Variants in FGD5 observed in about 807,000 individuals in gnomAD.
FGD5 encodes the protein FYVE, RhoGEF and PH domain-containing protein 5.
Under a neutral mutation model 133.4 loss-of-function variants are expected in FGD5, and 28 were observed. The observed-to-expected ratio is 0.21, with a 90% CI of 0.16 to 0.29. FGD5 has a LOEUF of 0.29. Among genes scored for constraint, FGD5 ranks in the 10% least tolerant of loss-of-function variants. FGD5 has a pLI of 1.00. For missense variants in FGD5, 1,858 were observed against 1,895.2 expected (o/e 0.98, Z 0.36); for synonymous variants, 810 against 776.5 (o/e 1.04, Z -0.72).
At chr3:14,868,240 C>T (rs975538451) in intron 2 of FGD5, among the ~76,000 whole-genome samples, 1 of 152,170 alleles carries the variant, frequency 6.6e-6, no homozygotes, top group African/African-American at 2.4e-5. Flanking sequence ...CCCCCGAGAC[C>T]AGCCCAGTAG....
chr3:14,851,540 T>C (rs2037163557), intron 1 of FGD5, among the ~76,000 whole-genome samples: 1 of 152,230 alleles, frequency 6.6e-6, no homozygotes, highest in African/African-American at 2.4e-5. Context: ...GGCTCCAGCC[T>C]CTGCTGCCAG....
intron 19 of FGD5, 38 bp downstream of exon 19, chr3:14,932,769 C>T (rs758206405): frequency 2.5e-6 from 4 of 1,595,012 alleles, no homozygotes; most frequent in Non-Finnish European, 2.6e-6. Context: ...GCTTTTTGTT[C>T]TCTCAGAAGG....
Position 14,820,530 on chromosome 3 carries a change from G to A in FGD5, c.1459G>A (p.Gly487Arg), listed in dbSNP as rs1197886362. Residue 487 changes from glycine to arginine, a missense_variant, in exon 1 of 20, where the codon GGG becomes AGG. Coordinates refer to ENST00000285046, the MANE Select transcript of FGD5 (RefSeq NM_152536.4). ...NTSTRVRPHS[G>R]KVAGYVPETV... ...CAGCACGAGGGTCCGGCCCCACTCT[G>A]GGAAGGTGGCCGGCTATGTCCCAGA... 6.2e-7 allele frequency: 1 copy of A among 1,613,832 alleles called. No individual in the cohort carries two copies. Among genetic ancestry groups the A allele is most frequent in the Non-Finnish European group, 8.5e-7 (1 of 1,179,808 alleles).
chr3:14,856,678 T>C (rs943090658), intron 1 of FGD5, among the ~76,000 whole-genome samples: 2 of 152,194 alleles, frequency 1.3e-5, no homozygotes, highest in Admixed American at 6.5e-5. Context: ...TGAAAAATCG[T>C]TCTCAGCTAG....
At chr3:14,841,730 G>A (rs567715589) in intron 1 of FGD5, among the ~76,000 whole-genome samples, 1 of 152,256 alleles carries the variant, frequency 6.6e-6, no homozygotes, top group South Asian at 2.1e-4. Flanking sequence ...GCAAAAGGAA[G>A]CCCTGTCACT....
chr3:14,860,999 A>G (rs1055459999), intron 1 of FGD5, among the ~76,000 whole-genome samples: 4 of 152,158 alleles, frequency 2.6e-5, no homozygotes, highest in African/African-American at 9.7e-5. Flanking sequence ...AATACATTTA[A>G]AAATACAGTG....
intron 1 of FGD5, among the ~76,000 whole-genome samples, chr3:14,837,868 A>G (rs1020118864): frequency 5.9e-5 from 9 of 152,156 alleles, no homozygotes; most frequent in African/African-American, 2.2e-4. Flanking sequence ...GTGATTTCGT[A>G]GGGCTGTTCT....
At chr3:14,910,812 A>ATTGAT in intron 10 of FGD5, 49 bp from the exon 11 acceptor site, 2 of 1,561,956 alleles carry the variant, frequency 1.3e-6, no homozygotes, top group Non-Finnish European at 1.8e-6. Context: ...CTTGTCTGGG[A>ATTGAT]TTCAGGGGGC....
At chr3:14,858,606 G>A (rs921335005) in intron 1 of FGD5, among the ~76,000 whole-genome samples, 2 of 152,180 alleles carry the variant, frequency 1.3e-5, no homozygotes, top group African/African-American at 4.8e-5. Context: ...CAGACGGCTC[G>A]TAATAGGAAT....
At chr3:14,813,011 T>G (rs1220339599) in intron 1 of FGD5, among the ~76,000 whole-genome samples, 1 of 152,198 alleles carries the variant, frequency 6.6e-6, no homozygotes, top group Non-Finnish European at 1.5e-5. Context: ...GCGGAGATTT[T>G]ATGGTCACTG....
chr3:14,847,219 A>G (rs900672560), intron 1 of FGD5, among the ~76,000 whole-genome samples: 2 of 152,232 alleles, frequency 1.3e-5, no homozygotes, highest in Non-Finnish European at 2.9e-5. Flanking sequence ...CACCTAATGT[A>G]TCAACTGGAA....
chr3:14,855,074 G>A (rs1423604145), intron 1 of FGD5, among the ~76,000 whole-genome samples: 1 of 152,070 alleles, frequency 6.6e-6, no homozygotes, highest in Non-Finnish European at 1.5e-5. Context: ...TATGAGGTTA[G>A]CTTTTTTTTA....
intron 4 of FGD5, among the ~76,000 whole-genome samples, chr3:14,883,029 T>A (rs1204450482): frequency 6.6e-6 from 1 of 151,970 alleles, no homozygotes; most frequent in East Asian, 1.9e-4. Flanking sequence ...GCAGGAAGGG[T>A]CCTGGGTTCA....
intron 4 of FGD5, 73 bp from the exon 5 acceptor site, chr3:14,897,436 A>C: frequency 6.5e-7 from 1 of 1,533,984 alleles, no homozygotes; most frequent in South Asian, 1.2e-5. Context: ...CCAAAGCCCC[A>C]GGGGAAATCT....
chr3:14,819,114 C>A lies in FGD5; in HGVS notation c.43C>A (p.Leu15Met). ...PKPPIAPKPRLTAPNEWRASV... is the reference protein window; with the variant it reads ...PKPPIAPKPRMTAPNEWRASV... Reference sequence around the variant, plus strand: ...GCCCCCCATTGCCCCCAAGCCCAGGCTGACTGCCCCAAACGAGTGGAGAGC... The same window carrying A: ...GCCCCCCATTGCCCCCAAGCCCAGGATGACTGCCCCAAACGAGTGGAGAGC... The change falls in exon 1 of 20, where the codon CTG (leucine) becomes ATG (methionine). Residue 15 changes from leucine to methionine, a missense_variant. Physicochemically the swap from Leu to Met is conservative, Grantham distance 15. Around this residue, in one of 3 missense-constraint regions of FGD5, gnomAD observed 29 missense variants for 27.6 expected, o/e 1.05. Coordinates refer to ENST00000285046, the MANE Select transcript of FGD5 (RefSeq NM_152536.4). This position sits in a 1 kb window ranked among gnomAD's most constrained non-coding sequence, Gnocchi z 4.1. 1 of 1,550,600 alleles carries A rather than the reference C, an allele frequency of 6.4e-7. No individual in the cohort carries two copies. The highest frequency in any genetic ancestry group is 8.7e-7 in the Non-Finnish European group (1 of 1,147,010).
intron 1 of FGD5, among the ~76,000 whole-genome samples, chr3:14,850,133 G>A (rs1440526653): frequency 6.6e-6 from 1 of 152,154 alleles, no homozygotes; most frequent in African/African-American, 2.4e-5. Context: ...TTCGCCTGTG[G>A]TCTGGCTTCC....
intron 18 of FGD5, among the ~76,000 whole-genome samples, chr3:14,926,691 C>G (rs898335734): frequency 6.6e-6 from 1 of 152,174 alleles, no homozygotes; most frequent in Non-Finnish European, 1.5e-5. Flanking sequence ...GGTGAGAGAG[C>G]CTTGGAAATC....
At chr3:14,898,716 T>C (rs2038182990) in intron 6 of FGD5, 23 bp from the exon 7 acceptor site, 3 of 1,560,720 alleles carry the variant, frequency 1.9e-6, no homozygotes, top group East Asian at 4.8e-5. Context: ...GATAAGGTTT[T>C]TCCTTCCCTG....
At chr3:14,825,042 T>G (rs1233135592) in intron 1 of FGD5, among the ~76,000 whole-genome samples, 2 of 152,128 alleles carry the variant, frequency 1.3e-5, no homozygotes, top group African/African-American at 2.4e-5. Context: ...ATCCAAGCCC[T>G]TTTTCTGCTA....
Sources: allele counts gnomAD v4.1 joint callset (sites outside exome capture counted in the v4.1 genomes callset), GRCh38; gene constraint gnomAD v4.1.1; regional missense constraint gnomAD v4.1.1; non-coding constraint Gnocchi (gnomAD v3.1); transcripts MANE v1.5; gene names NCBI Gene and HGNC (gene_info 2026-07-23, HGNC 2026-07-21).